SLC13A3: variants seen among roughly 807,000 people sequenced by gnomAD.
The protein encoded by SLC13A3 is solute carrier family 13 member 3.
A neutral mutation model predicts 59.0 loss-of-function variants in SLC13A3; 40 were observed. The observed-to-expected ratio is 0.68, with a 90% CI of 0.53 to 0.88. The LOEUF is 0.88. Among genes scored for constraint, SLC13A3 ranks in the 40% least tolerant of loss-of-function variants. The probability of loss-of-function intolerance (pLI) is 0.00; values close to 1 mark genes in which losing one functional copy is unlikely to be tolerated. For missense variants in SLC13A3, 699 were observed against 783.2 expected, an observed-to-expected ratio of 0.89 and a Z score of 1.28; for synonymous variants, 317 against 330.3, an observed-to-expected ratio of 0.96 and a Z score of 0.44.
At chr20:46,567,766 C>A (rs914304949) in intron 10 of SLC13A3, among the ~76,000 whole-genome samples, 1 of 152,214 alleles carries the variant, frequency 6.6e-6, no homozygotes, top group African/African-American at 2.4e-5. Flanking sequence ...CCATCAAATG[C>A]ATCCTTAAAT....
chr20:46,655,847 T>A (rs1254509991), upstream of SLC13A3, among the ~76,000 whole-genome samples: 1 of 137,572 alleles, frequency 7.3e-6, no homozygotes, highest in Non-Finnish European at 1.6e-5. Flanking sequence ...TATATTATAC[T>A]GTATATAATA....
At position 46,634,433 on chromosome 20, in the gene SLC13A3, G is replaced by C. The variant is rs528138667; in HGVS notation, c.111+16878C>G. 5.9e-5 allele frequency among the ~76,000 whole-genome samples: 9 copies of C among 152,260 alleles called. No homozygotes were observed. The South Asian group carries it at 1.2e-3, about 21-fold the overall frequency. The stretch of plus-strand genomic sequence containing the variant: ...CCATGCCCCAAAACACTCTGAGACA[G>C]CAGCTAGGGGCCATCTGTGTCCATC... On this transcript the variant is annotated intron_variant, in intron 1 of 12. Coordinates refer to ENST00000279027, the MANE Select transcript of SLC13A3 (RefSeq NM_022829.6).
upstream of SLC13A3, among the ~76,000 whole-genome samples, chr20:46,655,789 A>G (rs2062981634): frequency 6.9e-6 from 1 of 144,926 alleles, no homozygotes; most frequent in Non-Finnish European, 1.5e-5. Context: ...ATATGCCTTC[A>G]GTATATATAA....
Position 46,583,640 on chromosome 20 carries a change from G to A in SLC13A3, c.1151C>T (p.Ala384Val). The change falls in exon 9 of 13, where the codon GCT becomes GTT. Residue 384 changes from alanine to valine, a missense_variant. Ala to Val is a moderately conservative substitution (Grantham distance 64, BLOSUM62 0). Transcript: ENST00000279027. ...GAAGAAGAACAAGATGGTGACAATA[G>A]CCACGCCGGTGACAGCATCAGAAAG... ...GFLSDAVTGV[A>V]IVTILFFFPS... 1 of 1,613,992 alleles carries A rather than the reference G, an allele frequency of 6.2e-7. No individual in the cohort carries two copies. Among genetic ancestry groups the A allele is most frequent in the Non-Finnish European group, 8.5e-7 (1 of 1,180,020 alleles).
At chr20:46,676,546 C>T (rs1045296989) in intron 1 of SLC13A3, among the ~76,000 whole-genome samples, 3 of 151,788 alleles carry the variant, frequency 2.0e-5, no homozygotes, top group South Asian at 2.1e-4. Context: ...CGAGCCACTG[C>T]GCCCGGCCCC....
chr20:46,575,765 A>G, intron 9 of SLC13A3, 80 bp from the exon 10 acceptor site: 1 of 780,406 alleles, frequency 1.3e-6, no homozygotes, highest in South Asian at 2.3e-5. Context: ...GCCCCATCTT[A>G]CCGGGGACAC....
chr20:46,657,785 G>A (rs555555879), intron 1 of SLC13A3, among the ~76,000 whole-genome samples: 5 of 152,268 alleles, frequency 3.3e-5, no homozygotes, highest in African/African-American at 7.2e-5. Flanking sequence ...GGCAGAAGGC[G>A]AACCAGGAGC....
At chr20:46,679,352 T>C (rs1047504148) in intron 1 of SLC13A3, among the ~76,000 whole-genome samples, 5 of 151,524 alleles carry the variant, frequency 3.3e-5, no homozygotes, top group African/African-American at 7.3e-5. Context: ...AGGTCAGGAG[T>C]TCGAGACTAG....
At chr20:46,625,926 T>C (rs2062664130) in intron 1 of SLC13A3, among the ~76,000 whole-genome samples, 1 of 152,204 alleles carries the variant, frequency 6.6e-6, no homozygotes, top group Non-Finnish European at 1.5e-5. Context: ...ACATTTGTAT[T>C]ATTTCCAGTT....
chr20:46,631,616 A>T (rs926974026), intron 1 of SLC13A3, among the ~76,000 whole-genome samples: 1 of 152,042 alleles, frequency 6.6e-6, no homozygotes, highest in South Asian at 2.1e-4. Flanking sequence ...TTGGTCCCCA[A>T]CTCAGCCCCG....
intron 3 of SLC13A3, 138 bp from the exon 4 acceptor site, chr20:46,600,175 A>T (rs944942964): frequency 3.1e-5 from 7 of 223,698 alleles, no homozygotes; most frequent in African/African-American, 1.7e-4. Context: ...ACAAAGACAG[A>T]GAGAGAGAGG....
intron 3 of SLC13A3, among the ~76,000 whole-genome samples, chr20:46,606,998 TAGCC>T (rs1322326151): frequency 6.6e-6 from 1 of 152,228 alleles, no homozygotes; most frequent in Non-Finnish European, 1.5e-5. Flanking sequence ...CTTATCCAGA[TAGCC>T]CCACCCTGCC....
At chr20:46,583,350 G>C in intron 9 of SLC13A3, 2 of 1,225,940 alleles carry the variant, frequency 1.6e-6, no homozygotes, top group Non-Finnish European at 2.1e-6. Flanking sequence ...AAAACAGATA[G>C]CAGGCTGGAT....
intron 1 of SLC13A3, among the ~76,000 whole-genome samples, chr20:46,623,734 G>A (rs898974863): frequency 2.6e-5 from 4 of 152,068 alleles, no homozygotes; most frequent in South Asian, 2.1e-4. Flanking sequence ...TATAACGATC[G>A]CTAGCAATTA....
chr20:46,627,994 G>A (rs2062693917), intron 1 of SLC13A3, among the ~76,000 whole-genome samples: 1 of 152,142 alleles, frequency 6.6e-6, no homozygotes, highest in South Asian at 2.1e-4. Context: ...AGTCCAGGTG[G>A]ATCCATGATT....
intron 1 of SLC13A3, among the ~76,000 whole-genome samples, chr20:46,658,879 G>A (rs1243103630): frequency 1.3e-5 from 2 of 152,050 alleles, no homozygotes; most frequent in African/African-American, 2.4e-5. Flanking sequence ...GTCTTTATTG[G>A]TGGATTCACC....
rs756745203 is a variant in SLC13A3, at chr20:46,560,257, A to G, written c.1633-59T>C. 28 of 1,517,286 alleles carry G rather than the reference A, an allele frequency of 1.8e-5. No homozygotes were observed. The East Asian group carries it at 2.9e-4, about 16-fold the overall frequency. The allele number at this position is 1,517,286 out of a possible 1,614,324, so 94.0% of individuals were successfully genotyped here. On this transcript the variant is annotated intron_variant, in intron 12 of 12. Coordinates refer to ENST00000279027, the MANE Select transcript of SLC13A3 (RefSeq NM_022829.6). ...CACCTGACCCACCATACAGATGGAA[A>G]CATTCAGACTCAGAGACAGGAAGTC... is the stretch of plus-strand genomic sequence containing the variant.
At chr20:46,618,039 C>T (rs962488050) in intron 1 of SLC13A3, among the ~76,000 whole-genome samples, 2 of 152,102 alleles carry the variant, frequency 1.3e-5, no homozygotes, top group Non-Finnish European at 2.9e-5. Flanking sequence ...AACTCTTGGA[C>T]CCCTTCAGAC....
intron 11 of SLC13A3, among the ~76,000 whole-genome samples, chr20:46,565,965 C>T (rs760874740): frequency 1.1e-4 from 16 of 152,192 alleles, no homozygotes; most frequent in Middle Eastern, 3.2e-3. Flanking sequence ...TTTACCTGTT[C>T]TAGAAAACTC....
Sources: allele counts gnomAD v4.1 joint callset (sites outside exome capture counted in the v4.1 genomes callset), GRCh38; gene constraint gnomAD v4.1.1; transcripts MANE v1.5; gene names NCBI Gene and HGNC (gene_info 2026-07-23, HGNC 2026-07-21).